The following AKAP19 variants were observed in gnomAD, a reference collection of about 807,000 sequenced individuals.
AKAP19 encodes A-kinase anchoring protein 19, also known as small A-kinase anchoring protein.
At chr2:190,018,335 A>AT in the AKAP19 span, among the ~76,000 whole-genome samples, 6 of 148,130 alleles carry the variant, frequency 4.1e-5, no homozygotes, top group Non-Finnish European at 7.5e-5. Flanking sequence ...TTCCTTCTTA[A>AT]TTTTTTTTTC....
the AKAP19 span, among the ~76,000 whole-genome samples, chr2:190,189,570 A>ATT: frequency 6.6e-6 from 1 of 152,230 alleles, no homozygotes; most frequent in Non-Finnish European, 1.5e-5. Flanking sequence ...ATATCTAGGT[A>ATT]TTTTTGATGT....
the AKAP19 span, chr2:190,202,760 G>C: frequency 6.0e-6 from 1 of 167,010 alleles, no homozygotes; most frequent in Non-Finnish European, 1.5e-5. Flanking sequence ...ACAACAAAGA[G>C]CCTCCAGGTG....
chr2:190,045,502 G>A, the AKAP19 span, among the ~76,000 whole-genome samples: 1 of 152,068 alleles, frequency 6.6e-6, no homozygotes, highest in Non-Finnish European at 1.5e-5. Context: ...GCAGCAGTTT[G>A]GCCATGTTTT....
At chr2:189,887,872 A>T in the AKAP19 span, among the ~76,000 whole-genome samples, 3 of 151,806 alleles carry the variant, frequency 2.0e-5, no homozygotes, top group African/African-American at 7.3e-5. Flanking sequence ...TCTCAGATGG[A>T]TAGATTGCAA....
chr2:189,978,001 A>T, the AKAP19 span, among the ~76,000 whole-genome samples: 3 of 152,178 alleles, frequency 2.0e-5, no homozygotes, highest in Non-Finnish European at 4.4e-5. Context: ...GTGTTAGAAG[A>T]TTTTGCCTAA....
chr2:189,886,736 T>C, the AKAP19 span, among the ~76,000 whole-genome samples: 1 of 152,310 alleles, frequency 6.6e-6, no homozygotes, highest in East Asian at 1.9e-4. Context: ...TAAGGCATTC[T>C]AGACATAGGG....
chr2:189,982,229 A>C, the AKAP19 span, among the ~76,000 whole-genome samples: 22 of 150,892 alleles, frequency 1.5e-4, no homozygotes, highest in Non-Finnish European at 3.1e-4. Flanking sequence ...CCTTTATTTT[A>C]GTGTGGGTTA....
chr2:190,105,642 A>G, the AKAP19 span, among the ~76,000 whole-genome samples: 1 of 152,080 alleles, frequency 6.6e-6, no homozygotes, highest in Non-Finnish European at 1.5e-5. Context: ...TCTTTACCTG[A>G]ATTGATATAT....
chr2:189,967,946 G>T, the AKAP19 span, among the ~76,000 whole-genome samples: 1 of 152,060 alleles, frequency 6.6e-6, no homozygotes, highest in South Asian at 2.1e-4. Flanking sequence ...TAGCATATAA[G>T]TTGGAGGAAG....
chr2:189,912,944 G>A, the AKAP19 span, among the ~76,000 whole-genome samples: 9 of 152,116 alleles, frequency 5.9e-5, no homozygotes, highest in African/African-American at 1.7e-4. Context: ...TGAGGACACT[G>A]TACCGCAAAG....
At chr2:190,005,577 TC>T in the AKAP19 span, among the ~76,000 whole-genome samples, 1 of 152,180 alleles carries the variant, frequency 6.6e-6, no homozygotes, top group Non-Finnish European at 1.5e-5. Flanking sequence ...CAGATGCTGG[TC>T]TCTACAGAGC....
the AKAP19 span, among the ~76,000 whole-genome samples, chr2:190,072,344 T>C: frequency 6.6e-6 from 1 of 152,046 alleles, no homozygotes; most frequent in Non-Finnish European, 1.5e-5. Context: ...GGACCAATCA[T>C]ACCCCAAAAC....
chr2:190,001,555 T>G, the AKAP19 span, among the ~76,000 whole-genome samples: 3 of 152,228 alleles, frequency 2.0e-5, no homozygotes, highest in African/African-American at 7.2e-5. Flanking sequence ...TCTCTCCTTT[T>G]GTTTTTTGTT....
chr2:190,179,237 G>GTCTC, the AKAP19 span, among the ~76,000 whole-genome samples: 1 of 151,962 alleles, frequency 6.6e-6, no homozygotes, highest in Non-Finnish European at 1.5e-5. This position sits in a 1 kb window ranked among gnomAD's most constrained non-coding sequence, Gnocchi z 6.0. Context: ...GTGAAACCCT[G>GTCTC]TCTCTACTAA....
the AKAP19 span, among the ~76,000 whole-genome samples, chr2:189,949,281 C>T: frequency 1.3e-5 from 2 of 152,066 alleles, no homozygotes; most frequent in Non-Finnish European, 2.9e-5. Context: ...AAGCCGGGCG[C>T]GATGGCTCAC....
chr2:189,939,232 G>C, the AKAP19 span, among the ~76,000 whole-genome samples: 2 of 152,192 alleles, frequency 1.3e-5, no homozygotes, highest in African/African-American at 4.8e-5. Context: ...CATGCTGTAG[G>C]AGGTTTGTTC....
chr2:189,919,558 CA>C, the AKAP19 span, among the ~76,000 whole-genome samples: 673 of 152,182 alleles, frequency 4.4e-3, 6 homozygotes, highest in African/African-American at 0.015. Flanking sequence ...CACTCCCCAA[CA>C]GACCGTGGTG....
At chr2:190,176,958 T>C in the AKAP19 span, among the ~76,000 whole-genome samples, 1 of 152,192 alleles carries the variant, frequency 6.6e-6, no homozygotes, top group African/African-American at 2.4e-5. This position sits in a 1 kb window ranked among gnomAD's most constrained non-coding sequence, Gnocchi z 4.7. Context: ...GTGAGAAATA[T>C]ATGTAAGAAA....
At chr2:189,883,640 G>A in the AKAP19 span, among the ~76,000 whole-genome samples, 3 of 151,554 alleles carry the variant, frequency 2.0e-5, no homozygotes, top group Non-Finnish European at 4.4e-5. Flanking sequence ...AACTAAAGCC[G>A]GGAGGGGTAG....
Sources: gnomAD v4.1 joint callset for allele counts (sites outside exome capture counted in the v4.1 genomes callset) on GRCh38, gnomAD v4.1.1 for gene constraint, Gnocchi (gnomAD v3.1) non-coding constraint, MANE v1.5 for transcripts, NCBI Gene and HGNC (gene_info 2026-07-23, HGNC 2026-07-21) for gene names.